The following TDRD3 variants were observed in gnomAD, a reference collection of about 807,000 sequenced individuals.
TDRD3 encodes the protein tudor domain-containing protein 3.
In TDRD3, 45 loss-of-function variants were observed where a neutral mutation model predicts 86.7. The ratio of observed to expected loss-of-function variants is 0.52; its 90% CI spans 0.41 to 0.67. The LOEUF is 0.67. TDRD3 is among the 30% of genes least tolerant of loss of function. The probability of loss-of-function intolerance (pLI) is 0.00; values close to 1 mark genes in which losing one functional copy is unlikely to be tolerated. For synonymous variants in TDRD3, 298 were observed against 301.7 expected (o/e 0.99, Z 0.13); for missense variants, 814 against 889.0 (o/e 0.92, Z 1.07).
At chr13:60,486,508 CAT>C in intron 7 of TDRD3, among the ~76,000 whole-genome samples, 1 of 152,154 alleles carries the variant, frequency 6.6e-6, no homozygotes, top group East Asian at 1.9e-4. Flanking sequence ...AATAATTACA[CAT>C]ATATATGAGG....
intron 12 of TDRD3, among the ~76,000 whole-genome samples, chr13:60,561,863 T>TTTGTTGTTG (rs535474569): frequency 2.6e-5 from 3 of 117,230 alleles, no homozygotes; most frequent in Admixed American, 1.8e-4. Flanking sequence ...GCCCAGGTTT[T>TTTGTTGTTG]TTGTTGTTGT....
At chr13:60,546,446 G>C (rs1957942353) in intron 12 of TDRD3, among the ~76,000 whole-genome samples, 1 of 151,952 alleles carries the variant, frequency 6.6e-6, no homozygotes, top group Non-Finnish European at 1.5e-5. Context: ...TTTTGTTATA[G>C]AAGTTTAATT....
chr13:60,512,191 G>C (rs1189070027), intron 10 of TDRD3, among the ~76,000 whole-genome samples: 1 of 152,130 alleles, frequency 6.6e-6, no homozygotes, highest in African/African-American at 2.4e-5. Flanking sequence ...AGGAGGCAAA[G>C]GGAGAGCTTG....
At chr13:60,478,291 ATTTTTTTTTTTTTTTTT>A (rs34449105) in intron 5 of TDRD3, among the ~76,000 whole-genome samples, 1 of 74,300 alleles carries the variant, frequency 1.3e-5, no homozygotes, top group Non-Finnish European at 2.4e-5. Flanking sequence ...CAGTCTACCA[ATTTTTTTTTTTTTTTTT>A]TTTTTTTTTT....
rs1312987593 is a variant in TDRD3, at chr13:60,509,816, A to G, written c.912A>G (p.Ala304=). The change falls in exon 9 of 14, where the codon GCA becomes GCG. Residue 304 remains alanine (A), a synonymous_variant. Transcript: ENST00000377881. ...CGGAAATGGGCTTCAGTAAGGAAGC[A>G]TCGAGGCAAGCTCTTATGGATAATG... ...HITEMGFSKE[A]SRQALMDNGN... 1 of 1,613,940 alleles carries G rather than the reference A, an allele frequency of 6.2e-7. No individual in the cohort carries two copies. The highest frequency in any genetic ancestry group is 1.7e-5 in the Admixed American group (1 of 60,020).
chr13:60,546,988 G>A (rs1957953955), intron 12 of TDRD3, among the ~76,000 whole-genome samples: 1 of 152,114 alleles, frequency 6.6e-6, no homozygotes, highest in East Asian at 1.9e-4. Flanking sequence ...GAGTTTTTCA[G>A]ATGTCTTAAT....
intron 11 of TDRD3, among the ~76,000 whole-genome samples, chr13:60,532,408 T>C (rs1957604118): frequency 6.6e-6 from 1 of 152,118 alleles, no homozygotes; most frequent in Admixed American, 6.5e-5. Flanking sequence ...GAATACCCTG[T>C]GAAAGAGATG....
chr13:60,567,428 A>AAGAG (rs761305418), intron 12 of TDRD3, 97 bp from the exon 13 acceptor site: 21 of 1,514,746 alleles, frequency 1.4e-5, no homozygotes, highest in Non-Finnish European at 1.9e-5. Context: ...AGGGCAGCTT[A>AAGAG]AGAGAGATAT....
chr13:60,534,990 A>G, intron 11 of TDRD3, 118 bp from the exon 12 acceptor site: 5 of 1,186,944 alleles, frequency 4.2e-6, no homozygotes, highest in Non-Finnish European at 5.8e-6. Flanking sequence ...TCCAAAGGTA[A>G]GTTTCCTTCT....
chr13:60,497,824 A>G (rs1956750336), intron 8 of TDRD3, among the ~76,000 whole-genome samples: 1 of 152,024 alleles, frequency 6.6e-6, no homozygotes, highest in African/African-American at 2.4e-5. Flanking sequence ...TAATGGCTTG[A>G]GTTTTCTAAT....
chr13:60,473,771 C>T (rs1956122791), intron 5 of TDRD3, among the ~76,000 whole-genome samples: 2 of 152,154 alleles, frequency 1.3e-5, no homozygotes, highest in East Asian at 1.9e-4. Flanking sequence ...TAGAGGGCTC[C>T]CTGGTCTAGC....
chr13:60,508,236 A>G (rs1312042970), intron 8 of TDRD3, among the ~76,000 whole-genome samples: 2 of 152,318 alleles, frequency 1.3e-5, no homozygotes, highest in Admixed American at 1.3e-4. Context: ...TCAAGCTACC[A>G]TTGGTTTTCT....
chr13:60,467,498 A>ATGAT, intron 5 of TDRD3, 119 bp downstream of exon 5: 2 of 1,106,112 alleles, frequency 1.8e-6, no homozygotes. Flanking sequence ...AGAATGGAAT[A>ATGAT]TGATTATCTT....
chr13:60,487,059 C>T (rs1038561571), intron 7 of TDRD3, among the ~76,000 whole-genome samples: 2 of 150,970 alleles, frequency 1.3e-5, no homozygotes, highest in South Asian at 2.1e-4. Context: ...TTGGTGGGGG[C>T]GGGGAAGGAT....
intron 3 of TDRD3, among the ~76,000 whole-genome samples, chr13:60,455,909 A>G (rs2138031828): frequency 6.6e-6 from 1 of 152,064 alleles, no homozygotes; most frequent in African/African-American, 2.4e-5. Flanking sequence ...TCTACTAAAA[A>G]AGATAGAAAA....
intron 8 of TDRD3, among the ~76,000 whole-genome samples, chr13:60,507,673 G>T (rs1956968412): frequency 6.6e-6 from 1 of 152,084 alleles, no homozygotes. Flanking sequence ...AGAATCTCTG[G>T]GACACATTTA....
chr13:60,524,498 C>G (rs942135838), intron 10 of TDRD3, among the ~76,000 whole-genome samples: 1 of 133,372 alleles, frequency 7.5e-6, no homozygotes, highest in African/African-American at 2.8e-5. Context: ...CAGAGTGAGG[C>G]TCCATCTCAA....
intron 5 of TDRD3, among the ~76,000 whole-genome samples, chr13:60,483,117 T>A (rs1425583596): frequency 6.6e-6 from 1 of 152,078 alleles, no homozygotes; most frequent in East Asian, 1.9e-4. Flanking sequence ...CATAATACAT[T>A]GTTATCTCTC....
rs763551689 is a variant in TDRD3, at chr13:60,528,984, C to A, written c.1759C>A (p.Pro587Thr). ...PVRSNSFIGVPNGEVEMPLKG... is the reference protein window; with the variant it reads ...PVRSNSFIGVTNGEVEMPLKG... ...TCGAAGTAATAGTTTCATTGGTGTTCCAAATGGAGAAGTAGAAATGCCACT... is the reference window on the plus strand; with the variant it reads ...TCGAAGTAATAGTTTCATTGGTGTTACAAATGGAGAAGTAGAAATGCCACT... Residue 587 changes from proline to threonine, a missense_variant, in exon 11 of 14, where the codon CCA becomes ACA. Physicochemically the swap from Pro to Thr is conservative, Grantham distance 38. Transcript: ENST00000377881. 2.5e-6 allele frequency: 4 copies of A among 1,613,798 alleles called. No individual in the cohort carries two copies. The highest frequency in any genetic ancestry group is 1.1e-5 in the South Asian group (1 of 91,056).
Sources: gnomAD v4.1 joint callset for allele counts (sites outside exome capture counted in the v4.1 genomes callset) on GRCh38, gnomAD v4.1.1 for gene constraint, MANE v1.5 for transcripts, NCBI Gene and HGNC (gene_info 2026-07-23, HGNC 2026-07-21) for gene names.